Variants in SGCZ observed in about 807,000 individuals in gnomAD.
The protein encoded by SGCZ is sarcoglycan zeta, also known as zeta-sarcoglycan.
A neutral mutation model predicts 41.3 loss-of-function variants in SGCZ; 40 were observed. That is an observed-to-expected ratio of 0.97 (90% confidence interval 0.75 to 1.26). The LOEUF is 1.26. Among genes scored for constraint, SGCZ ranks in the 50% most tolerant of loss-of-function variants. SGCZ has a pLI of 0.00. For synonymous variants in SGCZ, 206 were observed against 137.5 expected (o/e 1.50, Z -3.49); for missense variants, 552 against 369.8 (o/e 1.49, Z -4.04).
chr8:14,924,800 T>A (rs758855219), intron 1 of SGCZ, among the ~76,000 whole-genome samples: 1 of 151,954 alleles, frequency 6.6e-6, no homozygotes, highest in South Asian at 2.1e-4. Flanking sequence ...ATTAACATTA[T>A]CATTGTTTTA....
intron 1 of SGCZ, among the ~76,000 whole-genome samples, chr8:14,568,832 T>C (rs1338199444): frequency 6.6e-6 from 1 of 152,218 alleles, no homozygotes; most frequent in Non-Finnish European, 1.5e-5. Context: ...CATTAAATAA[T>C]TCAATATATA....
intron 1 of SGCZ, among the ~76,000 whole-genome samples, chr8:15,119,893 T>A (rs1807413974): frequency 6.6e-6 from 1 of 152,232 alleles, no homozygotes; most frequent in African/African-American, 2.4e-5. Flanking sequence ...CATTGTGGCC[T>A]CGAACTCCTG....
At chr8:14,556,239 T>G (rs2117195119) in intron 1 of SGCZ, among the ~76,000 whole-genome samples, 1 of 151,826 alleles carries the variant, frequency 6.6e-6, no homozygotes, top group African/African-American at 2.4e-5. Context: ...TGTTCATTAT[T>G]ATCTCTTCAG....
In SGCZ at chr8:14,894,419, G is replaced by C. The variant is rs114114708; in HGVS notation, c.40-339493C>G. On this transcript the variant is annotated intron_variant, in intron 1 of 7. Transcript: ENST00000382080. ...TGGTGCAAAGTGAAAGGAAAAGCTT[G>C]ACTTTGCTTTTACATTACTTAAAAG... 7.4e-3 allele frequency among the ~76,000 whole-genome samples: 1,126 copies of C among 152,226 alleles called. 10 individuals are homozygous for C. Among genetic ancestry groups the C allele is most frequent in the African/African-American group, 0.026 (1,067 of 41,554 alleles).
At chr8:14,602,917 T>G (rs895368251) in intron 1 of SGCZ, among the ~76,000 whole-genome samples, 2 of 152,152 alleles carry the variant, frequency 1.3e-5, no homozygotes, top group African/African-American at 4.8e-5. Flanking sequence ...AAATGGAGAT[T>G]TGATAAGCAA....
At chr8:15,133,243 C>G (rs908251484) in intron 1 of SGCZ, among the ~76,000 whole-genome samples, 1 of 152,064 alleles carries the variant, frequency 6.6e-6, no homozygotes, top group Non-Finnish European at 1.5e-5. Flanking sequence ...ATTTTCTGTC[C>G]ATATTCTTTT....
intron 3 of SGCZ, among the ~76,000 whole-genome samples, chr8:14,267,646 G>C (rs986909606): frequency 2.6e-5 from 4 of 152,148 alleles, no homozygotes; most frequent in Non-Finnish European, 5.9e-5. Context: ...GCTTCAGAGA[G>C]TTTTTGATGA....
chr8:14,556,005 A>G (rs1804024463), intron 1 of SGCZ, among the ~76,000 whole-genome samples: 1 of 152,030 alleles, frequency 6.6e-6, no homozygotes, highest in Non-Finnish European at 1.5e-5. Context: ...ACTAAAGATG[A>G]TATTCTTTGA....
chr8:15,144,687 C>G (rs1408773035), intron 1 of SGCZ, among the ~76,000 whole-genome samples: 1 of 152,184 alleles, frequency 6.6e-6, no homozygotes, highest in Non-Finnish European at 1.5e-5. Context: ...AACTCCCGAC[C>G]TCAGGTGGTC....
At chr8:14,384,001 G>A (rs1016918145) in intron 2 of SGCZ, among the ~76,000 whole-genome samples, 2 of 149,928 alleles carry the variant, frequency 1.3e-5, no homozygotes, top group African/African-American at 4.9e-5. Context: ...TAAATTTTAG[G>A]GTACATGTGC....
At chr8:14,608,481 G>C (rs879894622) in intron 1 of SGCZ, among the ~76,000 whole-genome samples, 2 of 152,060 alleles carry the variant, frequency 1.3e-5, no homozygotes, top group Non-Finnish European at 2.9e-5. Flanking sequence ...TGGCAAGAGA[G>C]AGAGTGAGAG....
intron 2 of SGCZ, among the ~76,000 whole-genome samples, chr8:14,479,991 C>T (rs189700117): frequency 9.7e-4 from 148 of 152,238 alleles, no homozygotes; most frequent in African/African-American, 3.4e-3. Flanking sequence ...GTGATCCACC[C>T]GCCTCGGCAT....
intron 2 of SGCZ, among the ~76,000 whole-genome samples, chr8:14,499,381 G>C (rs901897226): frequency 6.6e-6 from 1 of 151,634 alleles, no homozygotes; most frequent in Non-Finnish European, 1.5e-5. Flanking sequence ...ATTTTCTTTT[G>C]CATCATATAT....
chr8:14,640,108 A>G (rs1211525894), intron 1 of SGCZ, among the ~76,000 whole-genome samples: 27 of 151,718 alleles, frequency 1.8e-4, no homozygotes, highest in Admixed American at 1.6e-3. Flanking sequence ...CCCTATATTT[A>G]CTACTTTACA....
At position 14,972,492 on chromosome 8, in the gene SGCZ, C is replaced by T. The variant is rs572526459; in HGVS notation, c.39+265093G>A. Among the ~76,000 whole-genome samples the T allele has an allele frequency of 5.3e-5, 8 of 152,184 alleles. No individual in the cohort carries two copies. The South Asian group carries it at 1.0e-3, about 20-fold the overall frequency. ...CTGTCTTTTGGTTTGCTTATGTAGA[C>T]CATTAAATGTAATGTGACTATTGAT... On this transcript the variant is annotated intron_variant, in intron 1 of 7. Transcript: ENST00000382080.
At chr8:14,962,672 A>G (rs1420531116) in intron 1 of SGCZ, among the ~76,000 whole-genome samples, 1 of 152,204 alleles carries the variant, frequency 6.6e-6, no homozygotes, top group African/African-American at 2.4e-5. Context: ...TAATCATTTA[A>G]GTAAATGCTA....
At chr8:14,241,063 G>T (rs1299917459) in intron 3 of SGCZ, among the ~76,000 whole-genome samples, 1 of 152,056 alleles carries the variant, frequency 6.6e-6, no homozygotes, top group Admixed American at 6.6e-5. Context: ...ATAAAGAAAT[G>T]AATGCTCCTT....
chr8:14,090,645 A>C lies in SGCZ; in HGVS notation c.745-8T>G, dbSNP rs1323554939. ...CTCTGCATTTAAAAATATCTATGGG[A>C]AAAAAGAAATTGCATTTTAATTCAT... On this transcript the variant is annotated splice_polypyrimidine_tract_variant and splice_region_variant and intron_variant, in intron 7 of 7. Transcript: ENST00000382080. The C allele has an allele frequency of 6.2e-7, 1 of 1,605,070 alleles. No homozygotes were observed. Among genetic ancestry groups the C allele is most frequent in the Non-Finnish European group, 8.5e-7 (1 of 1,176,822 alleles).
chr8:15,218,919 G>T (rs993356053), intron 1 of SGCZ, among the ~76,000 whole-genome samples: 1 of 152,142 alleles, frequency 6.6e-6, no homozygotes, highest in East Asian at 1.9e-4. Flanking sequence ...CACAAGTGGC[G>T]CTGAAAATGA....
Sources: allele counts gnomAD v4.1 joint callset (sites outside exome capture counted in the v4.1 genomes callset), GRCh38; gene constraint gnomAD v4.1.1; transcripts MANE v1.5; gene names NCBI Gene and HGNC (gene_info 2026-07-23, HGNC 2026-07-21).